AIG1: variants seen among roughly 807,000 people sequenced by gnomAD.
AIG1 encodes the protein androgen induced 1, also known as androgen-induced gene 1 protein.
AIG1 carries 23 observed loss-of-function variants against 31.4 expected under a neutral mutation model. The ratio of observed to expected loss-of-function variants is 0.73; its 90% confidence interval spans 0.53 to 1.04. The LOEUF is 1.04. AIG1 is among the 50% of genes least tolerant of loss of function. AIG1 has a pLI of 0.00. For missense variants in AIG1, 274 were observed against 295.0 expected (o/e 0.93, Z 0.52); for synonymous variants, 100 against 110.5 (o/e 0.90, Z 0.60).
At chr6:143,273,961 A>C (rs1451563370) in intron 3 of AIG1, among the ~76,000 whole-genome samples, 1 of 152,202 alleles carries the variant, frequency 6.6e-6, no homozygotes, top group Admixed American at 6.5e-5. Context: ...AAATCTCAGA[A>C]AGAGAATGCC....
At chr6:143,108,710 A>G (rs993235912) in intron 1 of AIG1, among the ~76,000 whole-genome samples, 2 of 152,158 alleles carry the variant, frequency 1.3e-5, no homozygotes, top group Non-Finnish European at 2.9e-5. Context: ...ATGCCTTTAA[A>G]ACCCCTGGAC....
chr6:143,123,725 C>G (rs1562399348), intron 1 of AIG1, among the ~76,000 whole-genome samples: 1 of 151,630 alleles, frequency 6.6e-6, no homozygotes, highest in Non-Finnish European at 1.5e-5. Flanking sequence ...TTTTGTTATT[C>G]TTTATAGAAT....
intron 2 of AIG1, among the ~76,000 whole-genome samples, chr6:143,158,781 C>T (rs537677744): frequency 3.9e-5 from 6 of 152,030 alleles, no homozygotes; most frequent in East Asian, 3.9e-4. Context: ...AATTTTAGGT[C>T]GATAGGAAGA....
At chr6:143,190,505 T>C (rs1789695165) in intron 3 of AIG1, 2 of 985,090 alleles carry the variant, frequency 2.0e-6, no homozygotes, top group Non-Finnish European at 1.2e-6. Context: ...TTTTAAGTTA[T>C]GTTCAGAATT....
At chr6:143,236,133 A>G (rs1030507917) in intron 3 of AIG1, among the ~76,000 whole-genome samples, 3 of 152,214 alleles carry the variant, frequency 2.0e-5, no homozygotes, top group Non-Finnish European at 4.4e-5. Flanking sequence ...TGACCAGGAT[A>G]TCTGGTTTCT....
chr6:143,189,086 G>A, intron 3 of AIG1: 1 of 881,824 alleles, frequency 1.1e-6, no homozygotes, highest in South Asian at 5.2e-5. Context: ...GTGTCATCCA[G>A]GCTGGAATAC....
chr6:143,303,159 C>T (rs948302608), intron 4 of AIG1, among the ~76,000 whole-genome samples: 1 of 151,774 alleles, frequency 6.6e-6, no homozygotes, highest in Non-Finnish European at 1.5e-5. Context: ...TGAAAATTTT[C>T]TCCCATTTTG....
chr6:143,184,919 T>A (rs80201757), intron 3 of AIG1, among the ~76,000 whole-genome samples: 1 of 152,012 alleles, frequency 6.6e-6, no homozygotes, highest in Non-Finnish European at 1.5e-5. Context: ...CAATCTCGGC[T>A]GAGTGCAATG....
intron 3 of AIG1, among the ~76,000 whole-genome samples, chr6:143,273,061 G>A (rs924259709): frequency 3.3e-5 from 5 of 152,120 alleles, no homozygotes; most frequent in South Asian, 2.1e-4. Context: ...CCCGGGAGGC[G>A]GAGGTTGAAG....
chr6:143,320,785 T>A (rs1165064067), intron 4 of AIG1, among the ~76,000 whole-genome samples: 1 of 152,030 alleles, frequency 6.6e-6, no homozygotes, highest in Admixed American at 6.6e-5. Flanking sequence ...ATTAACAATA[T>A]TCTACTGTGT....
intron 1 of AIG1, among the ~76,000 whole-genome samples, chr6:143,122,922 A>G (rs755413812): frequency 1.3e-5 from 2 of 152,060 alleles, no homozygotes; most frequent in African/African-American, 2.4e-5. Context: ...TCTAAGCCCT[A>G]TGATCTATCT....
At chr6:143,170,416 G>T (rs1277775024) in intron 3 of AIG1, among the ~76,000 whole-genome samples, 1 of 151,806 alleles carries the variant, frequency 6.6e-6, no homozygotes, top group Non-Finnish European at 1.5e-5. Context: ...TGTATTTCTT[G>T]ATCTGCAGTC....
intron 3 of AIG1, among the ~76,000 whole-genome samples, chr6:143,192,492 C>T (rs903694196): frequency 2.0e-5 from 3 of 151,894 alleles, no homozygotes; most frequent in African/African-American, 7.3e-5. Flanking sequence ...GTAGTCCCAG[C>T]TTCTCGGGAG....
intron 2 of AIG1, among the ~76,000 whole-genome samples, chr6:143,153,199 C>T (rs1277513277): frequency 1.3e-5 from 2 of 152,096 alleles, no homozygotes; most frequent in African/African-American, 4.8e-5. Context: ...AGGAAATGTG[C>T]GAGGTACAAG....
intron 2 of AIG1, among the ~76,000 whole-genome samples, chr6:143,138,027 A>G (rs1783910226): frequency 6.6e-6 from 1 of 152,200 alleles, no homozygotes; most frequent in Non-Finnish European, 1.5e-5. Context: ...TGCTTGCTTT[A>G]AGACCAATTA....
chr6:143,234,104 C>A (rs968672065), intron 3 of AIG1, among the ~76,000 whole-genome samples: 14 of 152,102 alleles, frequency 9.2e-5, no homozygotes, highest in Non-Finnish European at 1.9e-4. Flanking sequence ...ACTACAAAGA[C>A]CCCCCTAAAC....
intron 4 of AIG1, among the ~76,000 whole-genome samples, chr6:143,312,262 G>A (rs1775346849): frequency 6.6e-6 from 1 of 151,948 alleles, no homozygotes; most frequent in Non-Finnish European, 1.5e-5. Context: ...AAGCTATCTT[G>A]AGCAAAAAGA....
chr6:143,073,815 A>G (rs1777503287), intron 1 of AIG1, among the ~76,000 whole-genome samples: 1 of 152,214 alleles, frequency 6.6e-6, no homozygotes. Context: ...AAACACTTGT[A>G]AACAGCCAGA....
chr6:143,138,825 G>T (rs375058869), intron 2 of AIG1, among the ~76,000 whole-genome samples: 2 of 151,434 alleles, frequency 1.3e-5, no homozygotes, highest in Non-Finnish European at 2.9e-5. Flanking sequence ...CCTGGGAGGT[G>T]GAGGTTGCAG....
Sources: allele counts gnomAD v4.1 joint callset (sites outside exome capture counted in the v4.1 genomes callset), GRCh38; gene constraint gnomAD v4.1.1; transcripts MANE v1.5; gene names NCBI Gene and HGNC (gene_info 2026-07-23, HGNC 2026-07-21).